The following CTNNA3 variants were observed in gnomAD, a reference collection of about 807,000 sequenced individuals.
CTNNA3 encodes catenin alpha 3.
Under a neutral mutation model 95.7 loss-of-function variants are expected in CTNNA3, and 76 were observed. The ratio of observed to expected loss-of-function variants is 0.79; its 90% CI spans 0.66 to 0.96. The LOEUF is 0.96. Ranked by LOEUF, CTNNA3 falls within the 40% of genes least tolerant of loss-of-function variation. The pLI, the probability that CTNNA3 is intolerant of heterozygous loss-of-function variation, is 0.00. For missense variants in CTNNA3, 1,191 were observed against 1,089.8 expected (o/e 1.09, Z -1.31); for synonymous variants, 431 against 374.4 (o/e 1.15, Z -1.74).
chr10:66,280,648 AT>A (rs1266758116), intron 12 of CTNNA3, 27 bp from the exon 13 acceptor site: 1 of 1,563,932 alleles, frequency 6.4e-7, no homozygotes, highest in Non-Finnish European at 8.7e-7. Flanking sequence ...TAAGGAGAAG[AT>A]TGTCCTCTTT....
intron 15 of CTNNA3, among the ~76,000 whole-genome samples, chr10:66,065,398 T>C (rs1473963777): frequency 6.6e-6 from 1 of 152,132 alleles, no homozygotes; most frequent in Non-Finnish European, 1.5e-5. Flanking sequence ...AAAAATCTTG[T>C]CATGATCATT....
In CTNNA3 at chr10:66,730,105, G is replaced by GAA. The variant is rs71035172; in HGVS notation, c.1281+36157_1281+36158dup. Among the ~76,000 whole-genome samples the GAA allele has an allele frequency of 4.0e-3, 542 of 134,094 alleles. 4 individuals are homozygous for GAA. The highest frequency in any genetic ancestry group is 0.017 in the South Asian group (66 of 3,982). 88.0% of individuals were successfully genotyped at this position (134,094 alleles called of 152,430 possible). A position where few individuals can be genotyped will look rare whatever the true frequency, so the allele number is the denominator to read the frequency against. On this transcript the variant is annotated intron_variant, in intron 9 of 17. Coordinates refer to ENST00000433211, the MANE Select transcript of CTNNA3 (RefSeq NM_013266.4). ...TGGGTGACAGAGCGATACTCTGTCT[G>GAA]AAAAAAAAAAAAAAAGATCATTCTA...
intron 5 of CTNNA3, among the ~76,000 whole-genome samples, chr10:67,395,101 A>G (rs1844666140): frequency 6.6e-6 from 1 of 152,172 alleles, no homozygotes; most frequent in South Asian, 2.1e-4. Flanking sequence ...TCCCTTAAAC[A>G]TGAAAAATTA....
At chr10:67,034,761 A>G (rs2133122334) in intron 7 of CTNNA3, among the ~76,000 whole-genome samples, 1 of 152,306 alleles carries the variant, frequency 6.6e-6, no homozygotes, top group South Asian at 2.1e-4. Flanking sequence ...AATCTCTTTC[A>G]TGTAATATTA....
At chr10:67,042,354 A>G (rs1336546582) in intron 7 of CTNNA3, among the ~76,000 whole-genome samples, 3 of 152,122 alleles carry the variant, frequency 2.0e-5, no homozygotes, top group Non-Finnish European at 2.9e-5. Flanking sequence ...AATAAAAAAC[A>G]TGATTTGACT....
intron 15 of CTNNA3, among the ~76,000 whole-genome samples, chr10:66,017,995 C>G (rs551393623): frequency 1.3e-5 from 2 of 152,104 alleles, no homozygotes; most frequent in East Asian, 3.9e-4. Flanking sequence ...AAGGTACTAT[C>G]TTTGCATCAT....
chr10:66,406,711 T>G (rs895868142), intron 11 of CTNNA3, among the ~76,000 whole-genome samples: 1 of 152,128 alleles, frequency 6.6e-6, no homozygotes, highest in Admixed American at 6.6e-5. Flanking sequence ...AATACCAATA[T>G]ATTAAGTGGT....
chr10:67,494,162 A>G (rs2133086052), intron 5 of CTNNA3, among the ~76,000 whole-genome samples: 1 of 152,188 alleles, frequency 6.6e-6, no homozygotes, highest in East Asian at 1.9e-4. Context: ...GCTTCATACA[A>G]TCACTATGGA....
chr10:67,703,677 T>C (rs952846033), intron 1 of CTNNA3, among the ~76,000 whole-genome samples: 5 of 152,208 alleles, frequency 3.3e-5, no homozygotes, highest in African/African-American at 1.2e-4. Context: ...TCATACTGAA[T>C]GGGCAAACAC....
rs150820106 is a variant in CTNNA3 at position 67,759,720 on chromosome 10, G to A, written c.-2+3714C>T. 3.7e-3 allele frequency among the ~76,000 whole-genome samples: 560 copies of A among 152,208 alleles called. 8 individuals carry two copies. The highest frequency in any genetic ancestry group is 6.4e-3 in the Non-Finnish European group (433 of 68,020). ...TGTAGCAGACTATAGAGGAATTATC[G>A]TGCTGACCTTGAAGAAGCAAACTAC... is the stretch of plus-strand genomic sequence containing the variant. On this transcript the variant is annotated intron_variant, in intron 1 of 17. Transcript: ENST00000684154.
chr10:67,074,623 T>C (rs904828141), intron 7 of CTNNA3, among the ~76,000 whole-genome samples: 6 of 152,138 alleles, frequency 3.9e-5, no homozygotes, highest in Admixed American at 2.0e-4. Context: ...GTGCTGGGAT[T>C]ACAGGCGTGA....
At chr10:67,374,685 T>C (rs1311455004) in intron 5 of CTNNA3, among the ~76,000 whole-genome samples, 1 of 152,158 alleles carries the variant, frequency 6.6e-6, no homozygotes, top group Non-Finnish European at 1.5e-5. Context: ...GTAAATAATG[T>C]CTAGTGAGGT....
At chr10:67,508,628 C>A (rs1235232566) in intron 5 of CTNNA3, among the ~76,000 whole-genome samples, 1 of 151,796 alleles carries the variant, frequency 6.6e-6, no homozygotes, top group African/African-American at 2.4e-5. Context: ...GCCATAAGTA[C>A]CAGCAACAAA....
chr10:66,921,962 T>C (rs1282734890), intron 7 of CTNNA3, among the ~76,000 whole-genome samples: 1 of 152,208 alleles, frequency 6.6e-6, no homozygotes, highest in Non-Finnish European at 1.5e-5. Context: ...TGTTAAGATA[T>C]CAGTCCATTC....
At chr10:67,347,419 C>T (rs1157411248) in intron 5 of CTNNA3, among the ~76,000 whole-genome samples, 1 of 152,088 alleles carries the variant, frequency 6.6e-6, no homozygotes, top group East Asian at 1.9e-4. Flanking sequence ...AAACAGTATT[C>T]TCTTGCCATT....
chr10:66,674,678 G>T (rs1420955605), intron 9 of CTNNA3, among the ~76,000 whole-genome samples: 10 of 151,786 alleles, frequency 6.6e-5, no homozygotes. Flanking sequence ...CTAATTCCCA[G>T]CTTTATCCCT....
intron 5 of CTNNA3, among the ~76,000 whole-genome samples, chr10:67,342,556 A>C (rs913352961): frequency 1.3e-5 from 2 of 152,124 alleles, no homozygotes; most frequent in South Asian, 4.1e-4. Context: ...TTTCTGTAGT[A>C]GTTTCATAGT....
intron 11 of CTNNA3, among the ~76,000 whole-genome samples, chr10:66,498,453 G>C (rs1189134846): frequency 6.6e-6 from 1 of 151,970 alleles, no homozygotes; most frequent in Non-Finnish European, 1.5e-5. Flanking sequence ...CTTATCCAAT[G>C]GCACATTCAA....
intron 14 of CTNNA3, among the ~76,000 whole-genome samples, chr10:66,081,366 C>A (rs140031764): frequency 4.6e-5 from 7 of 152,128 alleles, no homozygotes; most frequent in African/African-American, 1.4e-4. Context: ...AATTCCAATA[C>A]TTTCAGGGGC....
Sources: allele counts gnomAD v4.1 joint callset (sites outside exome capture counted in the v4.1 genomes callset), GRCh38; gene constraint gnomAD v4.1.1; transcripts MANE v1.5; gene names NCBI Gene and HGNC (gene_info 2026-07-23, HGNC 2026-07-21).